GPR89B: variants seen among roughly 807,000 people sequenced by gnomAD.
The protein encoded by GPR89B is golgi pH regulator B.
Under a neutral mutation model 52.4 loss-of-function variants are expected in GPR89B, and 25 were observed. The observed-to-expected ratio is 0.48, with a 90% CI of 0.35 to 0.67. The LOEUF (loss-of-function observed/expected upper bound fraction) is 0.67. Among genes scored for constraint, GPR89B ranks in the 30% least tolerant of loss-of-function variants. The pLI, the probability that GPR89B is intolerant of heterozygous loss-of-function variation, is 0.01. For synonymous variants in GPR89B, 52 were observed against 151.2 expected, an observed-to-expected ratio of 0.34 and a Z score of 4.81; for missense variants, 146 against 450.2, an observed-to-expected ratio of 0.32 and a Z score of 6.11.
chr1:147,992,077 A>T lies in GPR89B; in HGVS notation c.1096-425A>T, dbSNP rs1247429499. On this transcript the variant is annotated intron_variant, in intron 12 of 13. Coordinates refer to ENST00000314163, the MANE Select transcript of GPR89B (RefSeq NM_016334.5). ...CTGGTAGGAAAGGTAGGGATTTAAA[A>T]ATCCAGGAGCTTTTGAATGAAAGAG... Among the ~76,000 whole-genome samples the T allele has an allele frequency of 2.7e-5, 4 of 150,338 alleles. No homozygotes were observed. The Admixed American group carries it at 2.7e-4, about 10-fold the overall frequency.
intron 7 of GPR89B, among the ~76,000 whole-genome samples, chr1:147,963,449 C>T (rs1656784688): frequency 6.7e-6 from 1 of 148,344 alleles, no homozygotes; most frequent in African/African-American, 2.5e-5. Context: ...ATTTGCAAGC[C>T]ACTTATTTGA....
At chr1:147,987,105 A>G (rs1658722905) in intron 11 of GPR89B, among the ~76,000 whole-genome samples, 1 of 152,228 alleles carries the variant, frequency 6.6e-6, no homozygotes, top group Non-Finnish European at 1.5e-5. Context: ...GAGCAAATTG[A>G]GCCCCAATCC....
At chr1:147,954,725 T>A (rs1362775488) in intron 7 of GPR89B, among the ~76,000 whole-genome samples, 1 of 152,302 alleles carries the variant, frequency 6.6e-6, no homozygotes, top group Non-Finnish European at 1.5e-5. Context: ...GAAAGAAAAT[T>A]CAATCTCATT....
In GPR89B at chr1:147,968,898, G is replaced by A. The variant is rs1235423622; in HGVS notation, c.751G>A (p.Val251Met). 83 of 1,611,498 alleles carry A rather than the reference G, an allele frequency of 5.2e-5. No individual in the cohort carries two copies. The South Asian group carries it at 7.8e-4, about 15-fold the overall frequency. The change falls in exon 9 of 14, where the codon GTG becomes ATG. Residue 251 changes from valine (V) to methionine (M), a missense_variant. Coordinates refer to ENST00000314163, the MANE Select transcript of GPR89B (RefSeq NM_016334.5). Reference sequence around the variant, plus strand: ...AGATCTTACTCTTATTCAACAGGAAGTGGATGCTTTGGAAGAATTAAGCAG... The same window carrying A: ...AGATCTTACTCTTATTCAACAGGAAATGGATGCTTTGGAAGAATTAAGCAG... ...SENLTLIQQEVDALEELSRQL... is the reference protein window; with the variant it reads ...SENLTLIQQEMDALEELSRQL...
At chr1:147,956,507 A>C (rs1224519881) in intron 7 of GPR89B, among the ~76,000 whole-genome samples, 6 of 151,714 alleles carry the variant, frequency 4.0e-5, no homozygotes, top group South Asian at 4.1e-4. Context: ...AACAATACTA[A>C]TGTTCAATGA....
At chr1:147,985,434 G>T (rs1658594175) in intron 10 of GPR89B, among the ~76,000 whole-genome samples, 1 of 151,720 alleles carries the variant, frequency 6.6e-6, no homozygotes, top group African/African-American at 2.4e-5. Flanking sequence ...CCATTTCATT[G>T]ACATGTTTAG....
intron 5 of GPR89B, among the ~76,000 whole-genome samples, chr1:147,949,850 C>T (rs1571252462): frequency 7.2e-6 from 1 of 138,110 alleles, no homozygotes; most frequent in Non-Finnish European, 1.6e-5. Context: ...CAGAGGGGCT[C>T]CTCACTTCCC....
intron 10 of GPR89B, among the ~76,000 whole-genome samples, chr1:147,980,818 CAAAAAA>C (rs1176400328): frequency 0.084 from 1,857 of 22,194 alleles, 10 homozygotes; most frequent in Non-Finnish European, 0.12. Flanking sequence ...GACTCCGTCT[CAAAAAA>C]AAAAAAAAAA....
At chr1:147,945,525 G>A (rs1460478507) in intron 5 of GPR89B, among the ~76,000 whole-genome samples, 15 of 152,136 alleles carry the variant, frequency 9.9e-5, no homozygotes, top group Admixed American at 2.0e-4. Context: ...AAAAGCATAT[G>A]CAATACCATA....
At chr1:148,009,619 T>G in the GPR89B span, 1 of 1,234,168 alleles carries the variant, frequency 8.1e-7, no homozygotes, top group Non-Finnish European at 1.1e-6. Flanking sequence ...AAAAGGTAAC[T>G]TTAATAACCC....
At chr1:148,001,690 C>T in the GPR89B span, among the ~76,000 whole-genome samples, 21 of 150,810 alleles carry the variant, frequency 1.4e-4, no homozygotes, top group Admixed American at 9.9e-4. Flanking sequence ...TATCTAGGCT[C>T]GTTTCCTGCT....
intron 1 of GPR89B, among the ~76,000 whole-genome samples, chr1:147,931,114 A>T (rs1653561592): frequency 6.6e-6 from 1 of 151,962 alleles, no homozygotes; most frequent in South Asian, 2.1e-4. Context: ...CTCATTTGCC[A>T]TTCTATCCCT....
At chr1:147,947,682 AG>A (rs1228586926) in intron 5 of GPR89B, among the ~76,000 whole-genome samples, 2 of 152,166 alleles carry the variant, frequency 1.3e-5, no homozygotes. Context: ...CCATGTTAAA[AG>A]GAATAAAGGT....
chr1:148,018,940 A>G, the GPR89B span, among the ~76,000 whole-genome samples: 1 of 151,452 alleles, frequency 6.6e-6, no homozygotes, highest in Non-Finnish European at 1.5e-5. Flanking sequence ...TGCTGGGATT[A>G]CAGGCATGAG....
the GPR89B span, among the ~76,000 whole-genome samples, chr1:148,014,262 T>C: frequency 6.6e-6 from 1 of 151,856 alleles, no homozygotes; most frequent in African/African-American, 2.4e-5. Context: ...TTTTTTGCTA[T>C]AGCCAAATTC....
chr1:147,952,062 A>G (rs868933891), intron 5 of GPR89B, among the ~76,000 whole-genome samples: 2 of 152,130 alleles, frequency 1.3e-5, no homozygotes, highest in Non-Finnish European at 2.9e-5. Flanking sequence ...TATGTCTTTT[A>G]TAATAAGGAC....
intron 7 of GPR89B, among the ~76,000 whole-genome samples, chr1:147,963,735 T>G (rs1376607452): frequency 2.6e-5 from 4 of 152,072 alleles, no homozygotes; most frequent in Admixed American, 6.5e-5. Context: ...ACTCATACAT[T>G]GCTGGCATCC....
intron 5 of GPR89B, among the ~76,000 whole-genome samples, chr1:147,949,840 C>T (rs1553250619): frequency 1.4e-5 from 2 of 141,484 alleles, no homozygotes; most frequent in Non-Finnish European, 1.5e-5. Context: ...GCTTGCCGGG[C>T]AGAGGGGCTC....
chr1:147,979,435 A>T (rs1658075681), intron 10 of GPR89B, among the ~76,000 whole-genome samples: 1 of 152,054 alleles, frequency 6.6e-6, no homozygotes, highest in Non-Finnish European at 1.5e-5. Flanking sequence ...AGTTGAATAG[A>T]AGTGGTAGGA....
Sources: gnomAD v4.1 joint callset for allele counts (sites outside exome capture counted in the v4.1 genomes callset) on GRCh38, gnomAD v4.1.1 for gene constraint, MANE v1.5 for transcripts, NCBI Gene and HGNC (gene_info 2026-07-23, HGNC 2026-07-21) for gene names.